The following ASPSCR1 variants were observed in gnomAD, a reference collection of about 807,000 sequenced individuals.
The protein encoded by ASPSCR1 is tether containing UBX domain for GLUT4.
ASPSCR1 carries 55 observed loss-of-function variants against 68.9 expected under a neutral mutation model. The ratio of observed to expected loss-of-function variants is 0.80; its 90% CI spans 0.64 to 1.00. The LOEUF is 1.00. Among genes scored for constraint, ASPSCR1 ranks in the 50% least tolerant of loss-of-function variants. The pLI is 0.00. For missense variants in ASPSCR1, 765 were observed against 762.2 expected, an observed-to-expected ratio of 1.00 and a Z score of -0.04; for synonymous variants, 352 against 332.6, an observed-to-expected ratio of 1.06 and a Z score of -0.63.
Position 82,017,094 on chromosome 17 carries a change from C to T in ASPSCR1, c.1629C>T (p.Pro543=), listed in dbSNP as rs1399778759. The T allele has an allele frequency of 6.2e-7, 1 of 1,601,138 alleles. No individual in the cohort carries two copies. The highest frequency in any genetic ancestry group is 1.3e-5 in the African/African-American group (1 of 74,850). Residue 543 remains proline, a synonymous_variant, in exon 15 of 16, where the codon CCC becomes CCT. Transcript: ENST00000306739. ...QPVKRSLGKV[P]KWLKLPASKR ...TGAAGAGGAGCCTGGGCAAGGTGCC[C>T]AAGTGGCTGAAGCTGCCGGGTACTG...
rs192589467 is a variant in ASPSCR1 at position 82,016,494 on chromosome 17, G to T, written c.1372G>T (p.Ala458Ser). The T allele has an allele frequency of 1.6e-5, 25 of 1,548,944 alleles. No individual in the cohort carries two copies. The highest frequency in any genetic ancestry group is 5.2e-6 in the Non-Finnish European group (6 of 1,147,184). The change falls in exon 13 of 16, where the codon GCT (alanine) becomes TCT (serine). Residue 458 changes from alanine to serine, a missense_variant. Ala to Ser is a moderately conservative substitution (Grantham distance 99). Coordinates refer to ENST00000306739, the MANE Select transcript of ASPSCR1 (RefSeq NM_024083.4). ...CCTGCAGGCGAACCTCTTCCCGGCC[G>T]CTCTGGTGCACTTGGGAGCCGAGGA... ...TLFQANLFPA[A>S]LVHLGAEEPA...
At chr17:81,998,387 C>T (rs1240104708) in intron 7 of ASPSCR1, among the ~76,000 whole-genome samples, 1 of 152,162 alleles carries the variant, frequency 6.6e-6, no homozygotes, top group Non-Finnish European at 1.5e-5. Context: ...CTCTGCAGAC[C>T]TTTCCCTTTG....
rs985705169 is a variant in ASPSCR1 at position 81,986,240 on chromosome 17, A to G, written c.374+633A>G. The stretch of plus-strand genomic sequence containing the variant: ...TGAGTTCAAGACTAGCCTCGGCAAC[A>G]TAGTGAAACCCCTTCTCTACAAAAA... On this transcript the variant is annotated intron_variant, in intron 4 of 15. Transcript: ENST00000306739. The surrounding 1 kb of genome is among the most constrained non-coding windows in gnomAD (Gnocchi z 5.2). Among the ~76,000 whole-genome samples, 1 of 152,122 alleles carries G rather than the reference A, an allele frequency of 6.6e-6. No individual in the cohort carries two copies. Among genetic ancestry groups the G allele is most frequent in the Non-Finnish European group, 1.5e-5 (1 of 68,022 alleles).
chr17:82,014,680 C>G (rs909903566), intron 12 of ASPSCR1: 2 of 239,784 alleles, frequency 8.3e-6, no homozygotes, highest in Non-Finnish European at 1.6e-5. Flanking sequence ...TGGTGCTGTT[C>G]TCGTTGGAGG....
At position 81,990,984 on chromosome 17, in the gene ASPSCR1, G is replaced by T. The variant is rs777947717; in HGVS notation, c.375-3837G>T. On this transcript the variant is annotated intron_variant, in intron 4 of 15. Transcript: ENST00000306739. This position sits in a 1 kb window ranked among gnomAD's most constrained non-coding sequence, Gnocchi z 4.1. ...GGACCTAGTTGCCAAGTGGTGAAAG[G>T]CAGGGGTGTGGATGGACCATGCTGA... is the stretch of plus-strand genomic sequence containing the variant. Among the ~76,000 whole-genome samples, 16 of 152,144 alleles carry T rather than the reference G, an allele frequency of 1.1e-4. No homozygotes were observed. Among genetic ancestry groups the T allele is most frequent in the Non-Finnish European group, 2.2e-4 (15 of 68,022 alleles).
intron 12 of ASPSCR1, chr17:82,014,412 G>A (rs2043051068): frequency 6.5e-6 from 1 of 154,154 alleles, no homozygotes; most frequent in South Asian, 2.0e-4. Flanking sequence ...CGCTCTGTGG[G>A]TGGATGCCCC....
rs759152306 is a variant in ASPSCR1, at chr17:82,017,039, CT to C, written c.1575del (p.Glu526SerfsTer10). 42 of 1,608,086 alleles carry C rather than the reference CT, an allele frequency of 2.6e-5. No homozygotes were observed. The highest frequency in any genetic ancestry group is 4.5e-5 in the East Asian group (2 of 44,880). On this transcript the variant is annotated frameshift_variant, in exon 15 of 16. Transcript: ENST00000306739. LOFTEE classifies it high-confidence loss of function. ...GCTGAGGAGGGGGCGCTGGTCCCCC[CT>C]GAGCCCATCCCAGGGACGGCCCAGC... Reference protein sequence around the residue: ...PAAEEGALVPPEPIPGTAQPV... With the variant: ...PAAEEGALVPXEPIPGTAQPV...
chr17:81,981,448 G>A (rs928469455), intron 2 of ASPSCR1, among the ~76,000 whole-genome samples: 6 of 152,232 alleles, frequency 3.9e-5, no homozygotes, highest in Middle Eastern at 3.4e-3. Flanking sequence ...GCGCTATCTC[G>A]GCTCACTGCA....
At position 81,983,445 on chromosome 17, in the gene ASPSCR1, C is replaced by T. The variant is rs552756636; in HGVS notation, c.159-109C>T. ...GGGAGCTGCCACAGGACGTGGATGGCGGGGCGTGGATGGCGGGGCGTGGAT... is the reference window on the plus strand; with the variant it reads ...GGGAGCTGCCACAGGACGTGGATGGTGGGGCGTGGATGGCGGGGCGTGGAT... On this transcript the variant is annotated intron_variant, in intron 2 of 15. Transcript: ENST00000306739. The surrounding 1 kb of genome is among the most constrained non-coding windows in gnomAD (Gnocchi z 4.4). 10 of 867,754 alleles carry T rather than the reference C, an allele frequency of 1.2e-5. No individual in the cohort carries two copies. The highest frequency in any genetic ancestry group is 4.2e-5 in the Admixed American group (2 of 47,738). 53.8% of individuals were successfully genotyped at this position (867,754 alleles called of 1,614,324 possible). A position where few individuals can be genotyped will look rare whatever the true frequency, so the allele number is the denominator to read the frequency against.
chr17:81,981,214 G>T (rs1045543456), intron 2 of ASPSCR1, among the ~76,000 whole-genome samples: 1 of 152,020 alleles, frequency 6.6e-6, no homozygotes, highest in Admixed American at 6.6e-5. Context: ...TTTGGAAAGG[G>T]CTGCTTTCTG....
intron 3 of ASPSCR1, among the ~76,000 whole-genome samples, chr17:81,985,128 GCACA>G (rs962946054): frequency 7.4e-6 from 1 of 135,428 alleles, no homozygotes; most frequent in African/African-American, 2.8e-5. Context: ...ATGTAAACAT[GCACA>G]CACACGCACA....
intron 10 of ASPSCR1, 104 bp downstream of exon 10, chr17:82,010,972 G>T (rs2042918756): frequency 7.3e-7 from 1 of 1,373,010 alleles, no homozygotes. Flanking sequence ...CTGGCCTGCG[G>T]GCTCCAGGGC....
At chr17:81,997,149 G>GAGGCCGTGTCC (rs2042377806) in intron 7 of ASPSCR1, among the ~76,000 whole-genome samples, 4 of 148,812 alleles carry the variant, frequency 2.7e-5, no homozygotes, top group Admixed American at 6.6e-5. Flanking sequence ...AGGCCGTGTT[G>GAGGCCGTGTCC]GCTCCATGAC....
rs1262477256 is a variant in ASPSCR1, at chr17:82,017,066, C to T, written c.1601C>T (p.Pro534Leu). 1.9e-6 allele frequency: 3 copies of T among 1,609,318 alleles called. No individual in the cohort carries two copies. The South Asian group carries it at 3.3e-5, about 18-fold the overall frequency. ...GAGCCCATCCCAGGGACGGCCCAGCCCGTGAAGAGGAGCCTGGGCAAGGTG... is the reference window on the plus strand; with the variant it reads ...GAGCCCATCCCAGGGACGGCCCAGCTCGTGAAGAGGAGCCTGGGCAAGGTG... Reference protein sequence around the residue: ...PPEPIPGTAQPVKRSLGKVPK... With the variant: ...PPEPIPGTAQLVKRSLGKVPK... Residue 534 changes from proline (P) to leucine (L), a missense_variant, in exon 15 of 16, where the codon CCC becomes CTC. Pro to Leu is a moderately conservative substitution (Grantham distance 98). Coordinates refer to ENST00000306739, the MANE Select transcript of ASPSCR1 (RefSeq NM_024083.4).
intron 11 of ASPSCR1, 41 bp downstream of exon 11, chr17:82,011,646 C>G: frequency 6.3e-7 from 1 of 1,595,544 alleles, no homozygotes; most frequent in Non-Finnish European, 8.6e-7. Flanking sequence ...CTCCAGTGCT[C>G]GGGGCCTTGG....
In ASPSCR1 at chr17:81,977,954, G is replaced by C; in HGVS notation, c.102+206G>C. On this transcript the variant is annotated intron_variant, in intron 1 of 15. Transcript: ENST00000306739. The surrounding 1 kb of genome is among the most constrained non-coding windows in gnomAD (Gnocchi z 5.0). Reference sequence around the variant, plus strand: ...GGTCCCGGGGGTCCCGAGTGGGGGCGGGGCGGTGGCGAGCCTTCCCAGGGG... The same window carrying C: ...GGTCCCGGGGGTCCCGAGTGGGGGCCGGGCGGTGGCGAGCCTTCCCAGGGG... 4 of 320,688 alleles carry C rather than the reference G, an allele frequency of 1.2e-5. No individual in the cohort carries two copies. 19.9% of individuals were successfully genotyped at this position (320,688 alleles called of 1,614,324 possible). A position where few individuals can be genotyped will look rare whatever the true frequency, so the allele number is the denominator to read the frequency against.
chr17:81,985,134 ACACGCACATCTG>A (rs1194726029), intron 3 of ASPSCR1, among the ~76,000 whole-genome samples: 3 of 142,908 alleles, frequency 2.1e-5, no homozygotes, highest in East Asian at 4.4e-4. Context: ...ACATGCACAC[ACACGCACATCTG>A]CACGCACATG....
At chr17:82,010,011 G>A (rs774864875) in intron 9 of ASPSCR1, 1 of 324,644 alleles carries the variant, frequency 3.1e-6, no homozygotes, top group South Asian at 2.1e-5. Context: ...CCGGGTTCAA[G>A]TGGTTCTCCT....
rs754979623 is a variant in ASPSCR1, at chr17:81,985,523, A to G, written c.290A>G (p.Gln97Arg). The change falls in exon 4 of 16, where the codon CAG (glutamine) becomes CGG (arginine). Residue 97 changes from glutamine (Q) to arginine (R), a missense_variant. Transcript: ENST00000306739. ...GPENMVRIAL[Q>R]LDDGSRLQDS... ...ACCCTCCAGGTTCGCATCGCTTTGC[A>G]GCTGGACGATGGCTCGAGGTTGCAG... 2.5e-6 allele frequency: 4 copies of G among 1,614,060 alleles called. No homozygotes were observed. The highest frequency in any genetic ancestry group is 1.1e-5 in the South Asian group (1 of 91,088).
Sources: allele counts gnomAD v4.1 joint callset (sites outside exome capture counted in the v4.1 genomes callset), GRCh38; gene constraint gnomAD v4.1.1; non-coding constraint Gnocchi (gnomAD v3.1); transcripts MANE v1.5; gene names NCBI Gene and HGNC (gene_info 2026-07-23, HGNC 2026-07-21).